Variants in MAST4 observed in about 807,000 individuals in gnomAD.
The protein encoded by MAST4 is microtubule-associated serine/threonine-protein kinase 4.
Under a neutral mutation model 162.7 loss-of-function variants are expected in MAST4, and 89 were observed. The observed-to-expected ratio is 0.55, with a 90% CI of 0.46 to 0.65. The LOEUF (loss-of-function observed/expected upper bound fraction) is 0.65. Among genes scored for constraint, MAST4 ranks in the 30% least tolerant of loss-of-function variants. The probability of loss-of-function intolerance (pLI) is 0.00; values close to 1 mark genes in which losing one functional copy is unlikely to be tolerated. For synonymous variants in MAST4, 1,479 were observed against 1,361.1 expected (o/e 1.09, Z -1.91); for missense variants, 3,153 against 3,374.0 (o/e 0.93, Z 1.62).
At chr5:67,008,171 C>T (rs2150343222) in intron 4 of MAST4, among the ~76,000 whole-genome samples, 1 of 152,318 alleles carries the variant, frequency 6.6e-6, no homozygotes, top group East Asian at 1.9e-4. Flanking sequence ...CAGCCATTCA[C>T]CTGCTGCTTT....
At chr5:66,865,821 T>TGG (rs1760472797) in intron 3 of MAST4, among the ~76,000 whole-genome samples, 5 of 152,172 alleles carry the variant, frequency 3.3e-5, no homozygotes, top group Admixed American at 6.5e-5. Flanking sequence ...ACGCCTGTAA[T>TGG]CCCAGCACTT....
chr5:66,725,154 T>TA (rs1370454524), intron 1 of MAST4, among the ~76,000 whole-genome samples: 2 of 152,128 alleles, frequency 1.3e-5, no homozygotes, highest in Admixed American at 6.6e-5. Flanking sequence ...GACAAAGTGA[T>TA]ACTGTATACT....
intron 4 of MAST4, among the ~76,000 whole-genome samples, chr5:66,931,563 G>A (rs1315513082): frequency 6.6e-6 from 1 of 152,104 alleles, no homozygotes; most frequent in Admixed American, 6.5e-5. Flanking sequence ...TATTATAGTT[G>A]TCACTTGATG....
intron 1 of MAST4, among the ~76,000 whole-genome samples, chr5:66,714,776 G>C (rs1750714176): frequency 2.6e-5 from 4 of 152,198 alleles, no homozygotes; most frequent in Admixed American, 2.6e-4. Context: ...GGGAGCCCCT[G>C]CTCACTTCCG....
intron 3 of MAST4, among the ~76,000 whole-genome samples, chr5:66,886,793 A>G (rs575285752): frequency 2.2e-4 from 33 of 151,490 alleles, no homozygotes; most frequent in Admixed American, 1.5e-3. Context: ...ATTCACATGT[A>G]TTTAGGGTAG....
chr5:66,987,647 T>A (rs1226557648), intron 4 of MAST4, among the ~76,000 whole-genome samples: 1 of 152,188 alleles, frequency 6.6e-6, no homozygotes, highest in African/African-American at 2.4e-5. Context: ...TGTCTCCCTA[T>A]ACCACTGAGA....
intron 4 of MAST4, among the ~76,000 whole-genome samples, chr5:67,018,766 T>C (rs1753626441): frequency 6.6e-6 from 1 of 152,244 alleles, no homozygotes; most frequent in African/African-American, 2.4e-5. Flanking sequence ...AGAAAATATG[T>C]ATTTTACAAA....
intron 1 of MAST4, among the ~76,000 whole-genome samples, chr5:66,633,454 A>C (rs1237637487): frequency 6.6e-6 from 1 of 152,204 alleles, no homozygotes; most frequent in African/African-American, 2.4e-5. Flanking sequence ...GGTAAGAGTT[A>C]TGGAGACTGG....
intron 1 of MAST4, among the ~76,000 whole-genome samples, chr5:66,683,403 G>A (rs1748449353): frequency 6.6e-6 from 1 of 152,114 alleles, no homozygotes; most frequent in Admixed American, 6.6e-5. Flanking sequence ...ACATGTAGTG[G>A]TGTTTCCCAG....
chr5:66,936,406 G>A (rs1053345797), intron 4 of MAST4, among the ~76,000 whole-genome samples: 1 of 152,216 alleles, frequency 6.6e-6, no homozygotes, highest in African/African-American at 2.4e-5. Flanking sequence ...CTTTGTGTGA[G>A]CAATAAAGCT....
intron 4 of MAST4, among the ~76,000 whole-genome samples, chr5:66,919,096 C>G (rs1580872682): frequency 1.3e-5 from 1 of 76,360 alleles, no homozygotes; most frequent in South Asian, 4.6e-4. Flanking sequence ...GAGCGAGACT[C>G]TCAACACACA....
intron 1 of MAST4, among the ~76,000 whole-genome samples, chr5:66,707,389 G>C (rs1238129527): frequency 6.6e-6 from 1 of 152,152 alleles, no homozygotes; most frequent in Non-Finnish European, 1.5e-5. Context: ...GTCACTTGGT[G>C]GGTATACCAG....
intron 4 of MAST4, among the ~76,000 whole-genome samples, chr5:67,049,982 C>T (rs1757972350): frequency 6.6e-6 from 1 of 152,106 alleles, no homozygotes; most frequent in South Asian, 2.1e-4. Flanking sequence ...ACAGGTCCCA[C>T]CAAGCCTTTC....
chr5:67,108,688 A>G (rs1765871669), intron 10 of MAST4, among the ~76,000 whole-genome samples: 1 of 152,046 alleles, frequency 6.6e-6, no homozygotes, highest in Admixed American at 6.6e-5. Flanking sequence ...TTTTGCCTGT[A>G]TATGGTTTTT....
chr5:66,855,530 A>G (rs1409602731), intron 3 of MAST4, among the ~76,000 whole-genome samples: 1 of 152,168 alleles, frequency 6.6e-6, no homozygotes, highest in Non-Finnish European at 1.5e-5. Flanking sequence ...AGAGCTGGAG[A>G]TGAGAATTTG....
At chr5:67,148,511 C>G (rs1294809144) in intron 23 of MAST4, among the ~76,000 whole-genome samples, 1 of 152,160 alleles carries the variant, frequency 6.6e-6, no homozygotes, top group African/African-American at 2.4e-5. Flanking sequence ...TTCTGCACCC[C>G]CCTCCATATT....
At chr5:66,713,415 C>G (rs1224514317) in intron 1 of MAST4, among the ~76,000 whole-genome samples, 1 of 152,106 alleles carries the variant, frequency 6.6e-6, no homozygotes, top group African/African-American at 2.4e-5. Flanking sequence ...GTTAAAATAA[C>G]CAGTGTATGG....
intron 4 of MAST4, among the ~76,000 whole-genome samples, chr5:67,003,376 G>A (rs921146246): frequency 6.6e-6 from 1 of 152,096 alleles, no homozygotes; most frequent in African/African-American, 2.4e-5. Flanking sequence ...TGGAGTCCTT[G>A]GTGTGAAAAT....
At chr5:66,739,076 C>T (rs1309554044) in intron 1 of MAST4, among the ~76,000 whole-genome samples, 1 of 152,044 alleles carries the variant, frequency 6.6e-6, no homozygotes, top group African/African-American at 2.4e-5. Flanking sequence ...CAAAAAAGGC[C>T]ATCACTTAAA....
Sources: gnomAD v4.1 joint callset for allele counts (sites outside exome capture counted in the v4.1 genomes callset) on GRCh38, gnomAD v4.1.1 for gene constraint, MANE v1.5 for transcripts, NCBI Gene and HGNC (gene_info 2026-07-23, HGNC 2026-07-21) for gene names.